Variants in ZNF469 observed in about 807,000 individuals in gnomAD.
ZNF469 encodes zinc finger protein 469.
In ZNF469, 1 loss-of-function variant was observed where a neutral mutation model predicts 1.0. That is an observed-to-expected ratio of 1.00 (90% confidence interval 0.35 to 4.73). The LOEUF (loss-of-function observed/expected upper bound fraction) is 4.73. Among genes scored for constraint, ZNF469 ranks in the 30% most tolerant of loss-of-function variants. The pLI is 0.16. For synonymous variants in ZNF469, 2,703 were observed against 2,363.4 expected, an observed-to-expected ratio of 1.14 and a Z score of -4.17; for missense variants, 6,100 against 5,356.3, an observed-to-expected ratio of 1.14 and a Z score of -4.33.
the ZNF469 span, chr16:88,294,768 G>C: frequency 1.3e-5 from 2 of 152,334 alleles, no homozygotes; most frequent in African/African-American, 2.4e-5. Context: ...AAGGGGTGAA[G>C]AAATGAGTGA....
the ZNF469 span, among the ~76,000 whole-genome samples, chr16:88,337,641 G>A: frequency 6.9e-3 from 1,050 of 152,226 alleles, 11 homozygotes; most frequent in African/African-American, 0.023. Context: ...TGCAAGGCAC[G>A]AGGACTCTGG....
chr16:88,382,779 T>C (rs1040221983), upstream of ZNF469, among the ~76,000 whole-genome samples: 1 of 152,108 alleles, frequency 6.6e-6, no homozygotes, highest in Non-Finnish European at 1.5e-5. Context: ...CCTGCCATTC[T>C]GGGGTGGGCT....
chr16:88,386,464 G>C (rs1011241406), intron 1 of ZNF469, among the ~76,000 whole-genome samples: 3 of 151,776 alleles, frequency 2.0e-5, no homozygotes, highest in African/African-American at 7.3e-5. Flanking sequence ...TCCTCTCCCT[G>C]CTGCCCTCAC....
the ZNF469 span, among the ~76,000 whole-genome samples, chr16:88,285,392 C>T: frequency 6.6e-6 from 1 of 152,256 alleles, no homozygotes; most frequent in Non-Finnish European, 1.5e-5. Flanking sequence ...CAGCCATGGT[C>T]ACCCTGGTGG....
chr16:88,359,294 T>G, the ZNF469 span, among the ~76,000 whole-genome samples: 1 of 148,066 alleles, frequency 6.8e-6, no homozygotes, highest in East Asian at 2.0e-4. Flanking sequence ...TGCTTCTGAG[T>G]GTCCCGGGGG....
chr16:88,115,978 G>A, the ZNF469 span, among the ~76,000 whole-genome samples: 1 of 152,214 alleles, frequency 6.6e-6, no homozygotes, highest in African/African-American at 2.4e-5. Context: ...ATCCAGGGTG[G>A]CCTCCCCATC....
the ZNF469 span, among the ~76,000 whole-genome samples, chr16:88,345,496 G>A: frequency 6.6e-6 from 1 of 152,214 alleles, no homozygotes; most frequent in East Asian, 1.9e-4. Flanking sequence ...CATGGGATCT[G>A]CACCAGGGCC....
At chr16:88,396,623 G>A (rs1324161543) in intron 1 of ZNF469, among the ~76,000 whole-genome samples, 4 of 150,524 alleles carry the variant, frequency 2.7e-5, no homozygotes, top group African/African-American at 7.3e-5. Flanking sequence ...GGGAGGCCGG[G>A]AGGAGACCCT....
chr16:88,114,555 C>T, the ZNF469 span, among the ~76,000 whole-genome samples: 1 of 152,214 alleles, frequency 6.6e-6, no homozygotes, highest in Non-Finnish European at 1.5e-5. Context: ...ACGCGCGGTG[C>T]CCAGCTGACT....
At chr16:88,145,483 C>T in the ZNF469 span, among the ~76,000 whole-genome samples, 10 of 152,372 alleles carry the variant, frequency 6.6e-5, no homozygotes, top group South Asian at 4.1e-4. Flanking sequence ...CGTGCTTGGC[C>T]GCTGTTCACC....
chr16:88,229,291 C>G, the ZNF469 span, among the ~76,000 whole-genome samples: 4 of 152,244 alleles, frequency 2.6e-5, no homozygotes, highest in Non-Finnish European at 4.4e-5. Context: ...CAGCCTCCTC[C>G]GCGAGCAGCC....
intron 1 of ZNF469, among the ~76,000 whole-genome samples, chr16:88,417,399 G>C (rs994899557): frequency 3.7e-4 from 57 of 152,190 alleles, no homozygotes; most frequent in African/African-American, 1.4e-3. Context: ...AGTGGGTTCT[G>C]GGGCTGTGGG....
chr16:88,369,106 G>T, the ZNF469 span, among the ~76,000 whole-genome samples: 1,242 of 151,784 alleles, frequency 8.2e-3, 15 homozygotes, highest in African/African-American at 0.028. Flanking sequence ...TGGGCGGCAG[G>T]TCTCCACAGC....
the ZNF469 span, among the ~76,000 whole-genome samples, chr16:88,184,816 T>G: frequency 5.4e-4 from 82 of 152,326 alleles, no homozygotes; most frequent in African/African-American, 1.9e-3. Flanking sequence ...TGCCAGGGTG[T>G]GTTCAGGGGA....
At chr16:88,137,371 G>T in the ZNF469 span, among the ~76,000 whole-genome samples, 84,823 of 151,778 alleles carry the variant, frequency 0.56, 27,976 homozygotes, top group Non-Finnish European at 0.76. Flanking sequence ...AGTCATATGT[G>T]CATACCACCA....
chr16:88,305,373 CGCAT>C, the ZNF469 span, among the ~76,000 whole-genome samples: 1 of 148,784 alleles, frequency 6.7e-6, no homozygotes, highest in Admixed American at 6.7e-5. Context: ...CACAGGCACA[CGCAT>C]GCACACCCTC....
chr16:88,431,257 C>G lies in ZNF469; in HGVS notation c.3787C>G (p.Leu1263Val). ...AGEMGASPGL[L>V]IPEQPPPSRH... ...AGAAATGGGAGCAAGCCCCGGTCTC[C>G]TGATACCAGAGCAGCCGCCGCCCAG... is the stretch of plus-strand genomic sequence containing the variant. The change falls in exon 3 of 3, where the codon CTG (leucine) becomes GTG (valine). Residue 1263 changes from leucine to valine, a missense_variant. Leu to Val is a conservative substitution (Grantham distance 32). Transcript: ENST00000565624. 1 of 1,550,370 alleles carries G rather than the reference C, an allele frequency of 6.5e-7. No individual in the cohort carries two copies.
In ZNF469 at chr16:88,410,863, G is replaced by A. The variant is rs1444087482; in HGVS notation, c.-191-13944G>A. On this transcript the variant is annotated intron_variant, in intron 1 of 2. Coordinates refer to ENST00000565624, the MANE Select transcript of ZNF469 (RefSeq NM_001367624.2). ...GCGATGACCCGACAGGTGTGGGCAA[G>A]GCCACCTCCTGCTCAGGCCCCTGGA... Among the ~76,000 whole-genome samples the A allele has an allele frequency of 2.0e-5, 3 of 152,292 alleles. No homozygotes were observed. The East Asian group carries it at 5.8e-4, about 29-fold the overall frequency.
the ZNF469 span, among the ~76,000 whole-genome samples, chr16:88,149,755 A>G: frequency 2.0e-5 from 3 of 152,020 alleles, no homozygotes; most frequent in African/African-American, 7.2e-5. Context: ...TTTACCCCTG[A>G]CACGTGCTGG....
Sources: gnomAD v4.1 joint callset for allele counts (sites outside exome capture counted in the v4.1 genomes callset) on GRCh38, gnomAD v4.1.1 for gene constraint, MANE v1.5 for transcripts, NCBI Gene and HGNC (gene_info 2026-07-23, HGNC 2026-07-21) for gene names.